Variants in SINHCAF observed in about 807,000 individuals in gnomAD.
SINHCAF encodes SIN3-HDAC complex-associated factor.
SINHCAF carries 3 observed loss-of-function variants against 25.8 expected under a neutral mutation model. That is an observed-to-expected ratio of 0.12 (90% CI 0.05 to 0.30). The LOEUF (loss-of-function observed/expected upper bound fraction) is 0.30. SINHCAF is among the 10% of genes least tolerant of loss of function. The pLI is 1.00. For synonymous variants in SINHCAF, 70 were observed against 85.5 expected, an observed-to-expected ratio of 0.82 and a Z score of 1.00; for missense variants, 121 against 262.3, an observed-to-expected ratio of 0.46 and a Z score of 3.72.
At chr12:31,308,686 T>G (rs1939134144) in intron 1 of SINHCAF, among the ~76,000 whole-genome samples, 1 of 152,100 alleles carries the variant, frequency 6.6e-6, no homozygotes, top group Non-Finnish European at 1.5e-5. Flanking sequence ...TATTTCAGTA[T>G]TTGGGAAAAG....
chr12:31,314,600 A>T (rs75480835), intron 1 of SINHCAF, among the ~76,000 whole-genome samples: 39 of 147,834 alleles, frequency 2.6e-4, no homozygotes, highest in African/African-American at 9.2e-4. Context: ...ACTTCTGAAG[A>T]TTTTTTTTTT....
Position 31,293,827 on chromosome 12 carries a change from C to T in SINHCAF, c.333G>A (p.Leu111=). The T allele has an allele frequency of 6.2e-7, 1 of 1,604,208 alleles. No homozygotes were observed. The highest frequency in any genetic ancestry group is 8.5e-7 in the Non-Finnish European group (1 of 1,177,580). ...TACTATGACGTTTAAATTCCTTCTGCAGTTTACTGATCTGGTTGCTTTTTA... is the reference window on the plus strand; with the variant it reads ...TACTATGACGTTTAAATTCCTTCTGTAGTTTACTGATCTGGTTGCTTTTTA... The part of the protein sequence containing the change: ...NRIKSNQISK[L]QKEFKRHNSD... The change falls in exon 4 of 6, where the codon CTG becomes CTA. Residue 111 remains leucine (L), a synonymous_variant. Transcript: ENST00000337682.
intron 1 of SINHCAF, chr12:31,298,492 A>G (rs753162816): frequency 2.4e-5 from 9 of 370,364 alleles, no homozygotes; most frequent in Middle Eastern, 6.9e-4. Context: ...AAAATGGGGA[A>G]GAGAAGCATT....
Position 31,324,943 on chromosome 12 carries a change from T to G in SINHCAF, c.-21+1081A>C, listed in dbSNP as rs981302863. The G allele has an allele frequency of 2.2e-6, 1 of 456,124 alleles. No homozygotes were observed. Among genetic ancestry groups the G allele is most frequent in the Non-Finnish European group, 4.4e-6 (1 of 226,644 alleles). 28.3% of individuals were successfully genotyped at this position (456,124 alleles called of 1,614,324 possible). A position where few individuals can be genotyped will look rare whatever the true frequency, so the allele number is the denominator to read the frequency against. ...AGACGCCATCATCAGCAAACCACATTGTCCTGCCGGCCGGACCTGCCCGAC... is the reference window on the plus strand; with the variant it reads ...AGACGCCATCATCAGCAAACCACATGGTCCTGCCGGCCGGACCTGCCCGAC... On this transcript the variant is annotated intron_variant, in intron 1 of 5. Transcript: ENST00000337682. The surrounding 1 kb of genome is among the most constrained non-coding windows in gnomAD (Gnocchi z 5.5).
intron 4 of SINHCAF, among the ~76,000 whole-genome samples, chr12:31,291,727 T>A (rs774318405): frequency 6.6e-6 from 1 of 151,420 alleles, no homozygotes; most frequent in Non-Finnish European, 1.5e-5. Flanking sequence ...TCCGTGCCAC[T>A]GCACTGCACT....
chr12:31,294,399 A>G (rs1401283989), intron 3 of SINHCAF, among the ~76,000 whole-genome samples: 1 of 152,232 alleles, frequency 6.6e-6, no homozygotes, highest in Non-Finnish European at 1.5e-5. Flanking sequence ...TATTTCACCA[A>G]GCGAGTAAAT....
chr12:31,302,544 C>CGAGCTT (rs1265854125), intron 1 of SINHCAF, among the ~76,000 whole-genome samples: 7 of 149,586 alleles, frequency 4.7e-5, no homozygotes, highest in African/African-American at 1.7e-4. Flanking sequence ...TTTATCAGGC[C>CGAGCTT]GAGCTTGAGG....
chr12:31,300,189 T>C (rs1236549914), intron 1 of SINHCAF, among the ~76,000 whole-genome samples: 1 of 152,200 alleles, frequency 6.6e-6, no homozygotes, highest in Non-Finnish European at 1.5e-5. Context: ...TTTTTGGTAT[T>C]GAGGGGTTTT....
In SINHCAF at chr12:31,314,597, A is replaced by T. The variant is rs74599394; in HGVS notation, c.-21+11427T>A. On this transcript the variant is annotated intron_variant, in intron 1 of 5. Transcript: ENST00000337682. ...GGAGGCCCAAAGAGAGGTACTTCTG[A>T]AGATTTTTTTTTTTTAATAGGAGAG... 2.4e-4 allele frequency among the ~76,000 whole-genome samples: 37 copies of T among 151,826 alleles called. No individual in the cohort carries two copies. The East Asian group carries it at 7.0e-3, about 29-fold the overall frequency.
At chr12:31,318,654 A>G (rs200568181) in intron 1 of SINHCAF, among the ~76,000 whole-genome samples, 1,719 of 148,302 alleles carry the variant, frequency 0.012, 17 homozygotes, top group East Asian at 0.037. Flanking sequence ...GTAGAGCGAA[A>G]AAAAAAAAAA....
intron 1 of SINHCAF, among the ~76,000 whole-genome samples, chr12:31,310,457 G>C (rs1048289118): frequency 6.6e-6 from 1 of 152,158 alleles, no homozygotes; most frequent in Non-Finnish European, 1.5e-5. Flanking sequence ...TCAATGTCCT[G>C]CAATTCCTTT....
chr12:31,314,488 T>G (rs906249998), intron 1 of SINHCAF, among the ~76,000 whole-genome samples: 1 of 151,536 alleles, frequency 6.6e-6, no homozygotes, highest in African/African-American at 2.4e-5. Flanking sequence ...ATCGCGCCAT[T>G]GCACTCCAGC....
intron 1 of SINHCAF, among the ~76,000 whole-genome samples, chr12:31,314,351 T>C (rs1375093494): frequency 6.6e-6 from 1 of 151,844 alleles, no homozygotes; most frequent in African/African-American, 2.4e-5. Context: ...GGTGAAACCC[T>C]GTCTCTACTA....
chr12:31,283,451 A>G (rs1937890541), intron 5 of SINHCAF, among the ~76,000 whole-genome samples: 1 of 152,020 alleles, frequency 6.6e-6, no homozygotes, highest in African/African-American at 2.4e-5. Flanking sequence ...AAAAATGCAA[A>G]AATTAGCCAG....
At chr12:31,296,323 G>A (rs1270055724) in intron 2 of SINHCAF, among the ~76,000 whole-genome samples, 3 of 151,686 alleles carry the variant, frequency 2.0e-5, no homozygotes, top group African/African-American at 4.8e-5. Context: ...GTGCCACCAC[G>A]CCTGGCTAAT....
intron 3 of SINHCAF, among the ~76,000 whole-genome samples, chr12:31,294,180 G>A (rs960790480): frequency 5.3e-5 from 8 of 152,058 alleles, no homozygotes; most frequent in African/African-American, 1.9e-4. Flanking sequence ...AAATAGATTT[G>A]TATATGGGAT....
intron 4 of SINHCAF, among the ~76,000 whole-genome samples, chr12:31,291,695 G>A (rs1378955331): frequency 6.6e-6 from 1 of 152,046 alleles, no homozygotes; most frequent in Admixed American, 6.5e-5. Context: ...ACCCAGTAGG[G>A]GGAGGTTGCA....
In SINHCAF at chr12:31,282,615, T is replaced by TC. The variant is rs1240115710; in HGVS notation, c.*96dup. On this transcript the variant is annotated 3_prime_UTR_variant, in exon 6 of 6. Coordinates refer to ENST00000337682, the MANE Select transcript of SINHCAF (RefSeq NM_001135812.2). Reference sequence around the variant, plus strand: ...CCAGCCTGGGTAACAAGAGCAAAACTCCGTCTCAAAAAAAAAAGAGGGTCA... The same window carrying TC: ...CCAGCCTGGGTAACAAGAGCAAAACTCCCGTCTCAAAAAAAAAAGAGGGTCA... 4.6e-6 allele frequency: 5 copies of TC among 1,098,760 alleles called. No individual in the cohort carries two copies. The highest frequency in any genetic ancestry group is 3.8e-6 in the Non-Finnish European group (3 of 792,368). The allele number at this position is 1,098,760 out of a possible 1,614,324, so 68.1% of individuals were successfully genotyped here.
intron 1 of SINHCAF, chr12:31,323,949 G>A: frequency 2.2e-6 from 1 of 455,816 alleles, no homozygotes; most frequent in South Asian, 1.5e-5. Flanking sequence ...CCCACCTTCC[G>A]TAAATCGTGC....
Sources: gnomAD v4.1 joint callset for allele counts (sites outside exome capture counted in the v4.1 genomes callset) on GRCh38, gnomAD v4.1.1 for gene constraint, Gnocchi (gnomAD v3.1) non-coding constraint, MANE v1.5 for transcripts, NCBI Gene and HGNC (gene_info 2026-07-23, HGNC 2026-07-21) for gene names.